The following IL1RAPL1 variants were observed in gnomAD, a reference collection of about 807,000 sequenced individuals.
The protein encoded by IL1RAPL1 is interleukin-1 receptor accessory protein-like 1.
In IL1RAPL1, 3 loss-of-function variants were observed where a neutral mutation model predicts 48.4. That is an observed-to-expected ratio of 0.06 (90% CI 0.03 to 0.16). IL1RAPL1 has a LOEUF of 0.16. Ranked by LOEUF, IL1RAPL1 falls within the 10% of genes least tolerant of loss-of-function variation. IL1RAPL1 has a pLI of 1.00. For synonymous variants in IL1RAPL1, 185 were observed against 187.7 expected, an observed-to-expected ratio of 0.99 and a Z score of 0.12; for missense variants, 349 against 530.6, an observed-to-expected ratio of 0.66 and a Z score of 3.36.
At chrX:28,755,134 C>T (rs1490155569) in intron 1 of IL1RAPL1, among the ~76,000 whole-genome samples, 1 of 111,495 alleles carries the variant, frequency 9.0e-6, no homozygotes, top group Non-Finnish European at 1.9e-5. Context: ...GCTGGGATTA[C>T]AGGTGCCTGC....
intron 1 of IL1RAPL1, among the ~76,000 whole-genome samples, chrX:28,613,968 T>C (rs1291630667): frequency 9.0e-6 from 1 of 111,706 alleles, no homozygotes. Context: ...TCCCAAACTT[T>C]GAGCTGCCAC....
At chrX:28,639,283 T>G (rs1042526587) in intron 1 of IL1RAPL1, among the ~76,000 whole-genome samples, 3 of 111,906 alleles carry the variant, frequency 2.7e-5, no homozygotes, top group African/African-American at 9.8e-5. Flanking sequence ...GTCCCCTTAT[T>G]ATCAGAGTGT....
chrX:29,614,848 C>G (rs1376952203), intron 5 of IL1RAPL1, among the ~76,000 whole-genome samples: 1 of 110,437 alleles, frequency 9.1e-6, no homozygotes, highest in East Asian at 2.8e-4. Flanking sequence ...ATATTCTTTA[C>G]AATAGTGAGG....
intron 6 of IL1RAPL1, among the ~76,000 whole-genome samples, chrX:29,834,048 T>C (rs963462869): frequency 8.9e-6 from 1 of 112,103 alleles, no homozygotes; most frequent in Admixed American, 9.5e-5. Context: ...ATCTAATCTA[T>C]GTTTGCAGTA....
chrX:28,956,730 G>A (rs1164910288), intron 2 of IL1RAPL1, among the ~76,000 whole-genome samples: 1 of 108,441 alleles, frequency 9.2e-6, no homozygotes, highest in Non-Finnish European at 1.9e-5. Context: ...TCTCTTTTTT[G>A]GTTGTGTCTC....
intron 2 of IL1RAPL1, among the ~76,000 whole-genome samples, chrX:29,053,736 AT>A (rs1311244226): frequency 1.8e-5 from 2 of 111,475 alleles, no homozygotes; most frequent in Non-Finnish European, 3.8e-5. Flanking sequence ...TCTTGAGTTG[AT>A]TTTTGTATAT....
rs183161695 is a variant in IL1RAPL1 at position 29,635,905 on chromosome X, G to A, written c.704-32525G>A. Among the ~76,000 whole-genome samples the A allele has an allele frequency of 4.1e-4, 45 of 110,404 alleles. No homozygotes were observed. In the East Asian group the frequency reaches 0.011, roughly 26 times the overall value. ...CTTTCTCCATCCTCATTGTAGGTAC[G>A]CTAGTCATTCAAAGACTCATCTTAA... On this transcript the variant is annotated intron_variant, in intron 5 of 10. Coordinates refer to ENST00000378993, the MANE Select transcript of IL1RAPL1 (RefSeq NM_014271.4).
At chrX:29,569,141 T>C (rs1297529983) in intron 5 of IL1RAPL1, among the ~76,000 whole-genome samples, 1 of 111,563 alleles carries the variant, frequency 9.0e-6, no homozygotes, top group Admixed American at 9.5e-5. Context: ...CTAGAAAATA[T>C]AAGGCATTTA....
chrX:28,590,003 A>G (rs1933890479), intron 1 of IL1RAPL1, among the ~76,000 whole-genome samples: 1 of 111,995 alleles, frequency 8.9e-6, no homozygotes, highest in South Asian at 3.7e-4. Context: ...GCAGCTGCCA[A>G]AGACTTTTAC....
intron 5 of IL1RAPL1, among the ~76,000 whole-genome samples, chrX:29,501,189 G>A (rs761793648): frequency 2.1e-4 from 23 of 111,591 alleles, no homozygotes; most frequent in Non-Finnish European, 4.0e-4. Context: ...CATGTATTCT[G>A]ACTATTAATC....
intron 2 of IL1RAPL1, among the ~76,000 whole-genome samples, chrX:28,954,870 T>A (rs1401215909): frequency 8.9e-6 from 1 of 111,784 alleles, no homozygotes; most frequent in African/African-American, 3.2e-5. Flanking sequence ...ATATCTATTC[T>A]CCTTTCCTCA....
intron 1 of IL1RAPL1, among the ~76,000 whole-genome samples, chrX:28,786,355 C>T (rs781554164): frequency 1.8e-5 from 2 of 110,325 alleles, no homozygotes; most frequent in South Asian, 7.9e-4. Flanking sequence ...ATCCCAGCTA[C>T]TTGGGAGGCT....
intron 1 of IL1RAPL1, among the ~76,000 whole-genome samples, chrX:28,637,222 A>C (rs1033757253): frequency 1.8e-5 from 2 of 111,185 alleles, no homozygotes; most frequent in African/African-American, 6.5e-5. Context: ...TATTCTAATC[A>C]TAGCCCTTTC....
intron 3 of IL1RAPL1, among the ~76,000 whole-genome samples, chrX:29,335,591 A>T: frequency 9.1e-6 from 1 of 110,004 alleles, no homozygotes; most frequent in Middle Eastern, 4.7e-3. Context: ...AAACTTGGTG[A>T]CTTAAAACAA....
chrX:29,122,261 T>G (rs1234760617), intron 2 of IL1RAPL1, among the ~76,000 whole-genome samples: 1 of 111,566 alleles, frequency 9.0e-6, no homozygotes, highest in Non-Finnish European at 1.9e-5. Flanking sequence ...GCAATGTGCA[T>G]CACATGTAAT....
chrX:29,902,808 CAAA>C (rs1035209441), intron 6 of IL1RAPL1, among the ~76,000 whole-genome samples: 22 of 111,132 alleles, frequency 2.0e-4, no homozygotes, highest in African/African-American at 5.9e-4. Context: ...CTAAAAGCTA[CAAA>C]AATATATAGT....
At chrX:28,748,570 T>G (rs1345805252) in intron 1 of IL1RAPL1, among the ~76,000 whole-genome samples, 2 of 112,093 alleles carry the variant, frequency 1.8e-5, no homozygotes, top group Non-Finnish European at 3.8e-5. Context: ...ATAAAATGAC[T>G]GATTCATGAA....
chrX:29,042,975 A>G (rs1416730029), intron 2 of IL1RAPL1, among the ~76,000 whole-genome samples: 4 of 112,091 alleles, frequency 3.6e-5, no homozygotes, highest in Non-Finnish European at 7.5e-5. Context: ...ACTTCTTACA[A>G]ATCATTTAAT....
intron 2 of IL1RAPL1, among the ~76,000 whole-genome samples, chrX:28,827,715 T>G (rs1029433254): frequency 2.7e-5 from 3 of 111,793 alleles, no homozygotes; most frequent in African/African-American, 9.7e-5. Context: ...GAGAAGTAAT[T>G]AAAATGTGGG....
Sources: gnomAD v4.1 joint callset for allele counts (sites outside exome capture counted in the v4.1 genomes callset) on GRCh38, gnomAD v4.1.1 for gene constraint, MANE v1.5 for transcripts, NCBI Gene and HGNC (gene_info 2026-07-23, HGNC 2026-07-21) for gene names.